Variants in GRIN2B observed in about 807,000 individuals in gnomAD.
GRIN2B encodes glutamate ionotropic receptor NMDA type subunit 2B.
Under a neutral mutation model 114.5 loss-of-function variants are expected in GRIN2B, and 5 were observed. That is an observed-to-expected ratio of 0.04 (90% confidence interval 0.02 to 0.09). The LOEUF (loss-of-function observed/expected upper bound fraction) is 0.09, where lower values mean the gene tolerates loss of function less well. Ranked by LOEUF, GRIN2B falls within the 10% of genes least tolerant of loss-of-function variation. The pLI is 1.00. For missense variants in GRIN2B, 1,108 were observed against 1,943.5 expected (o/e 0.57, Z 8.08); for synonymous variants, 787 against 745.1 (o/e 1.06, Z -0.92).
At chr12:13,763,247 T>C (rs1458265135) in intron 3 of GRIN2B, among the ~76,000 whole-genome samples, 4 of 152,348 alleles carry the variant, frequency 2.6e-5, no homozygotes, top group African/African-American at 4.8e-5. Flanking sequence ...GGCCAAGTAC[T>C]GTCCTCACCG....
chr12:13,628,583 C>A (rs11608896), intron 5 of GRIN2B, among the ~76,000 whole-genome samples: 12,575 of 152,188 alleles, frequency 0.083, 552 homozygotes, highest in Non-Finnish European at 0.099. Context: ...TTTAGTAAAC[C>A]AATCAAACAA....
chr12:13,692,979 G>A (rs189364078), intron 4 of GRIN2B, among the ~76,000 whole-genome samples: 95 of 151,800 alleles, frequency 6.3e-4, no homozygotes, highest in African/African-American at 1.6e-3. Flanking sequence ...TGTTGGTCAG[G>A]CTGGTCCCAA....
At chr12:13,947,876 G>C (rs1457054516) in intron 2 of GRIN2B, among the ~76,000 whole-genome samples, 1 of 152,152 alleles carries the variant, frequency 6.6e-6, no homozygotes, top group Non-Finnish European at 1.5e-5. Context: ...CACGCTGTAG[G>C]CTTTAACCTA....
In GRIN2B at chr12:13,563,332, G is replaced by A. The variant is rs764172372; in HGVS notation, c.3906C>T (p.His1302=). Residue 1302 remains histidine (H), a synonymous_variant, in exon 14 of 14, where the codon CAC becomes CAT. Coordinates refer to ENST00000609686, the MANE Select transcript of GRIN2B (RefSeq NM_000834.5). ...GCAGGTCCACGAAGGTGTCGTAGGA[G>A]TGCTGCCGGCGCAGTTTGTTCCGGT... ...KKNRNKLRRQ[H]SYDTFVDLQK... 4 of 1,614,238 alleles carry A rather than the reference G, an allele frequency of 2.5e-6. No homozygotes were observed. The East Asian group carries it at 6.7e-5, about 27-fold the overall frequency.
chr12:13,591,412 C>T (rs1417896910), intron 10 of GRIN2B, among the ~76,000 whole-genome samples: 1 of 152,198 alleles, frequency 6.6e-6, no homozygotes, highest in Non-Finnish European at 1.5e-5. Context: ...AGGCACTCTT[C>T]TAAGCTTTAC....
intron 4 of GRIN2B, among the ~76,000 whole-genome samples, chr12:13,726,252 T>C (rs1164269457): frequency 6.6e-5 from 10 of 151,864 alleles, no homozygotes; most frequent in Admixed American, 5.2e-4. Flanking sequence ...TAAAAAAAAA[T>C]TGTCGGGCAC....
chr12:13,765,059 A>G lies in GRIN2B; in HGVS notation c.412-11144T>C, dbSNP rs140940735. Among the ~76,000 whole-genome samples the G allele has an allele frequency of 1.2e-4, 19 of 152,354 alleles. No homozygotes were observed. The East Asian group carries it at 3.3e-3, about 26-fold the overall frequency. On this transcript the variant is annotated intron_variant, in intron 3 of 13. Coordinates refer to ENST00000609686, the MANE Select transcript of GRIN2B (RefSeq NM_000834.5). ...GAAGCTATCAGGCTCACATCGGCCA[A>G]CTGTGAATTCTGATCCATGCTAACA...
chr12:13,581,909 C>CAA (rs71067711), intron 10 of GRIN2B, among the ~76,000 whole-genome samples: 47,244 of 119,744 alleles, frequency 0.39, 9,631 homozygotes, highest in East Asian at 0.78. Flanking sequence ...GACTTTGTCT[C>CAA]AAAAAAAAAA....
chr12:13,919,244 G>C (rs1866784124), intron 2 of GRIN2B, among the ~76,000 whole-genome samples: 1 of 152,192 alleles, frequency 6.6e-6, no homozygotes. Flanking sequence ...GGTTCTTAGA[G>C]ACCTTCTGAA....
chr12:13,785,619 TTC>T (rs1864211280), intron 3 of GRIN2B, among the ~76,000 whole-genome samples: 1 of 152,210 alleles, frequency 6.6e-6, no homozygotes, highest in Non-Finnish European at 1.5e-5. Flanking sequence ...GGTATCCTAA[TTC>T]TCCACTGTAT....
intron 2 of GRIN2B, among the ~76,000 whole-genome samples, chr12:13,873,346 T>C (rs1428301722): frequency 6.6e-6 from 1 of 152,194 alleles, no homozygotes; most frequent in Non-Finnish European, 1.5e-5. Flanking sequence ...CTTTTCAATA[T>C]CACTATTAAG....
In GRIN2B at chr12:13,542,266, A is replaced by T. The variant is rs1440835170; in HGVS notation, c.*20517T>A. ...TATTTGATTTTTTTTTTAAAGATGA[A>T]CAAGGAGTAAGGTAAGTAAGAACAA... On this transcript the variant is annotated 3_prime_UTR_variant, in exon 14 of 14. Coordinates refer to ENST00000609686, the MANE Select transcript of GRIN2B (RefSeq NM_000834.5). 1.3e-5 allele frequency: 2 copies of T among 152,162 alleles called. No individual in the cohort carries two copies. Among genetic ancestry groups the T allele is most frequent in the Non-Finnish European group, 2.9e-5 (2 of 68,030 alleles). The allele number at this position is 152,162 out of a possible 1,614,324, so 9.4% of individuals were successfully genotyped here.
chr12:13,924,107 G>A (rs945592312), intron 2 of GRIN2B, among the ~76,000 whole-genome samples: 1 of 152,044 alleles, frequency 6.6e-6, no homozygotes, highest in Non-Finnish European at 1.5e-5. Context: ...TGCCTCTGGG[G>A]GGACTAGTCA....
At chr12:13,861,007 C>T (rs1268203097) in intron 3 of GRIN2B, among the ~76,000 whole-genome samples, 2 of 152,146 alleles carry the variant, frequency 1.3e-5, no homozygotes, top group African/African-American at 4.8e-5. Context: ...CTGTTTGCCA[C>T]GGTACTGCCC....
chr12:13,883,869 A>T (rs183236766), intron 2 of GRIN2B, among the ~76,000 whole-genome samples: 2 of 152,162 alleles, frequency 1.3e-5, no homozygotes, highest in Non-Finnish European at 2.9e-5. Context: ...AACAAAGGAT[A>T]TAAAGATTTT....
intron 3 of GRIN2B, among the ~76,000 whole-genome samples, chr12:13,862,569 A>G (rs918355481): frequency 2.0e-5 from 3 of 152,036 alleles, no homozygotes; most frequent in Non-Finnish European, 4.4e-5. Context: ...TTTTTGTCCT[A>G]TTCCCCTGTT....
chr12:13,717,334 C>G (rs916086342), intron 4 of GRIN2B, among the ~76,000 whole-genome samples: 1 of 151,828 alleles, frequency 6.6e-6, no homozygotes, highest in African/African-American at 2.4e-5. Context: ...AAAATAAAAG[C>G]AAGGCAATGC....
chr12:13,962,675 T>A (rs1867715508), intron 2 of GRIN2B, among the ~76,000 whole-genome samples: 1 of 152,190 alleles, frequency 6.6e-6, no homozygotes, highest in Non-Finnish European at 1.5e-5. Flanking sequence ...GACTGGATTA[T>A]CACAGTGACC....
At chr12:13,692,770 T>TC (rs1396213774) in intron 4 of GRIN2B, among the ~76,000 whole-genome samples, 2 of 122,300 alleles carry the variant, frequency 1.6e-5, no homozygotes, top group African/African-American at 6.4e-5. Context: ...CTTTTTTTTT[T>TC]TTTTTTTTTT....
Sources: allele counts gnomAD v4.1 joint callset (sites outside exome capture counted in the v4.1 genomes callset), GRCh38; gene constraint gnomAD v4.1.1; transcripts MANE v1.5; gene names NCBI Gene and HGNC (gene_info 2026-07-23, HGNC 2026-07-21).